ADGRL3: variants seen among roughly 807,000 people sequenced by gnomAD.
ADGRL3 encodes the protein calcium-independent alpha-latrotoxin receptor 3.
Under a neutral mutation model 153.5 loss-of-function variants are expected in ADGRL3, and 62 were observed. The observed-to-expected ratio is 0.40, with a 90% CI of 0.33 to 0.50. The LOEUF is 0.50. Among genes scored for constraint, ADGRL3 ranks in the 20% least tolerant of loss-of-function variants. The pLI, the probability that ADGRL3 is intolerant of heterozygous loss-of-function variation, is 0.47. For missense variants in ADGRL3, 1,641 were observed against 1,859.4 expected (o/e 0.88, Z 2.16); for synonymous variants, 710 against 672.5 (o/e 1.06, Z -0.86).
At chr4:61,832,578 G>T (rs2097884337) in intron 9 of ADGRL3, among the ~76,000 whole-genome samples, 1 of 152,072 alleles carries the variant, frequency 6.6e-6, no homozygotes, top group South Asian at 2.1e-4. Flanking sequence ...GCATGCCAAA[G>T]CACCATATTG....
chr4:61,461,809 A>G (rs2097822878), intron 2 of ADGRL3, among the ~76,000 whole-genome samples: 1 of 152,166 alleles, frequency 6.6e-6, no homozygotes, highest in Non-Finnish European at 1.5e-5. Flanking sequence ...AGGCTGGATC[A>G]ATGACTTACT....
At chr4:61,768,606 A>G (rs1176499563) in intron 8 of ADGRL3, among the ~76,000 whole-genome samples, 3 of 151,928 alleles carry the variant, frequency 2.0e-5, no homozygotes, top group Non-Finnish European at 4.4e-5. Flanking sequence ...ATTTGGAACT[A>G]CTCTTGAGTT....
intron 8 of ADGRL3, among the ~76,000 whole-genome samples, chr4:61,749,683 A>G (rs1270478439): frequency 1.3e-5 from 2 of 151,688 alleles, no homozygotes; most frequent in South Asian, 2.1e-4. Flanking sequence ...CACAGGAAGG[A>G]GAACATCACA....
At chr4:61,236,008 C>CTTTTTTTTTT (rs55932029) in intron 1 of ADGRL3, among the ~76,000 whole-genome samples, 54 of 95,888 alleles carry the variant, frequency 5.6e-4, no homozygotes, top group South Asian at 1.6e-3. Flanking sequence ...CTTTTCTTTT[C>CTTTTTTTTTT]TTTTTTTTTT....
chr4:61,687,542 A>G (rs758682130), intron 6 of ADGRL3, among the ~76,000 whole-genome samples: 37 of 152,130 alleles, frequency 2.4e-4, no homozygotes, highest in Non-Finnish European at 4.0e-4. Context: ...CTTCTCTGTC[A>G]TGGACTAGGG....
At chr4:61,543,437 T>A (rs2148670305) in intron 4 of ADGRL3, among the ~76,000 whole-genome samples, 1 of 152,280 alleles carries the variant, frequency 6.6e-6, no homozygotes, top group East Asian at 1.9e-4. Context: ...GAATGCTCCC[T>A]TACTGGCAGA....
Position 61,517,376 on chromosome 4 carries a change from C to A in ADGRL3, c.117C>A (p.Ser39Arg). The A allele has an allele frequency of 1.4e-6, 1 of 709,138 alleles. No individual in the cohort carries two copies. Among genetic ancestry groups the A allele is most frequent in the Non-Finnish European group, 2.6e-6 (1 of 390,690 alleles). The allele number at this position is 709,138 out of a possible 1,614,324, so 43.9% of individuals were successfully genotyped here. The part of the protein sequence containing the change: ...LAAPLRHAER[S>R]PGGALPPRHL... ...CTCCATTGCGACACGCTGAGCGCAG[C>A]CCAGGAGGCGCTCTTCCACCCAGAC... The change falls in exon 4 of 27, where the codon AGC (serine) becomes AGA (arginine). Residue 39 changes from serine (S) to arginine (R), a missense_variant. Transcript: ENST00000683033.
chr4:61,531,814 A>G (rs190110428), intron 4 of ADGRL3, among the ~76,000 whole-genome samples: 16 of 151,968 alleles, frequency 1.1e-4, no homozygotes, highest in Non-Finnish European at 1.3e-4. Flanking sequence ...CTGTGCCCTT[A>G]GTAATTATTG....
intron 2 of ADGRL3, among the ~76,000 whole-genome samples, chr4:61,418,183 G>A (rs2097165154): frequency 6.6e-6 from 1 of 152,136 alleles, no homozygotes; most frequent in Non-Finnish European, 1.5e-5. Context: ...TGGAAATTTT[G>A]CTCAACAACT....
At chr4:61,403,803 A>G (rs930820866) in intron 2 of ADGRL3, among the ~76,000 whole-genome samples, 3 of 152,018 alleles carry the variant, frequency 2.0e-5, no homozygotes, top group African/African-American at 7.2e-5. Context: ...TGGCGTGAGT[A>G]TTGAACTAAA....
At chr4:62,028,925 G>A (rs202187019) in intron 22 of ADGRL3, 44 bp downstream of exon 22, 2 of 1,562,600 alleles carry the variant, frequency 1.3e-6, no homozygotes, top group Non-Finnish European at 1.8e-6. Flanking sequence ...TTATCAGTGT[G>A]GTCCCATGAA....
chr4:61,631,452 A>G (rs2093160911), intron 5 of ADGRL3, among the ~76,000 whole-genome samples: 2 of 152,216 alleles, frequency 1.3e-5, no homozygotes, highest in South Asian at 4.1e-4. Flanking sequence ...TAACCAAGGA[A>G]CCCTTTTCAT....
At chr4:61,392,692 A>AAAAAAAAAAAAAAAAAAAAAAAAAG (rs1393535099) in intron 2 of ADGRL3, among the ~76,000 whole-genome samples, 2 of 144,828 alleles carry the variant, frequency 1.4e-5, no homozygotes, top group Non-Finnish European at 3.0e-5. Context: ...CTCAAAAAAA[A>AAAAAAAAAAAAAAAAAAAAAAAAAG]AAAAAAAAAA....
intron 4 of ADGRL3, among the ~76,000 whole-genome samples, chr4:61,554,447 C>T (rs942208917): frequency 2.0e-5 from 3 of 152,024 alleles, no homozygotes; most frequent in East Asian, 3.9e-4. Flanking sequence ...CCACCCGCCT[C>T]GGCCTCCCAA....
At chr4:61,712,707 A>G (rs2096020205) in intron 6 of ADGRL3, among the ~76,000 whole-genome samples, 1 of 152,222 alleles carries the variant, frequency 6.6e-6, no homozygotes, top group African/African-American at 2.4e-5. Context: ...ATGCAGTTAC[A>G]TCACTGATAC....
intron 8 of ADGRL3, among the ~76,000 whole-genome samples, chr4:61,736,210 G>T (rs2096509938): frequency 6.6e-6 from 1 of 151,856 alleles, no homozygotes; most frequent in Non-Finnish European, 1.5e-5. Flanking sequence ...CATACATATG[G>T]GGGGGTAAGA....
At chr4:62,033,088 A>G (rs774030782) in intron 23 of ADGRL3, among the ~76,000 whole-genome samples, 1 of 151,768 alleles carries the variant, frequency 6.6e-6, no homozygotes, top group Non-Finnish European at 1.5e-5. Flanking sequence ...TGTTTTACTC[A>G]TTGCCCAATG....
chr4:61,699,975 C>A (rs1245327938), intron 6 of ADGRL3, among the ~76,000 whole-genome samples: 3 of 150,702 alleles, frequency 2.0e-5, no homozygotes, highest in South Asian at 2.1e-4. Context: ...CACAAAAACA[C>A]ACACAGAGAG....
intron 19 of ADGRL3, among the ~76,000 whole-genome samples, chr4:61,990,283 A>G (rs2099099239): frequency 6.6e-6 from 1 of 152,050 alleles, no homozygotes; most frequent in African/African-American, 2.4e-5. Context: ...AGCCAGTTAT[A>G]AAAGACTATA....
Sources: allele counts gnomAD v4.1 joint callset (sites outside exome capture counted in the v4.1 genomes callset), GRCh38; gene constraint gnomAD v4.1.1; transcripts MANE v1.5; gene names NCBI Gene and HGNC (gene_info 2026-07-23, HGNC 2026-07-21).